PLAC9: variants seen among roughly 807,000 people sequenced by gnomAD.
The protein encoded by PLAC9 is placenta associated 9, also known as placenta-specific protein 9.
Under a neutral mutation model 11.5 loss-of-function variants are expected in PLAC9, and 12 were observed. The observed-to-expected ratio is 1.05, with a 90% CI of 0.67 to 1.69. The LOEUF is 1.69. Ranked by LOEUF, PLAC9 falls within the 40% of genes most tolerant of loss-of-function variation. PLAC9 has a pLI of 0.00. For missense variants in PLAC9, 132 were observed against 130.5 expected, an observed-to-expected ratio of 1.01 and a Z score of -0.06; for synonymous variants, 62 against 58.1, an observed-to-expected ratio of 1.07 and a Z score of -0.31.
chr10:80,133,392 T>C (rs1438340055), intron 1 of PLAC9, among the ~76,000 whole-genome samples: 1 of 152,160 alleles, frequency 6.6e-6, no homozygotes, highest in East Asian at 1.9e-4. Flanking sequence ...CCTGGCTTTA[T>C]AGGACATTGC....
chr10:80,141,553 C>A (rs991348546), intron 1 of PLAC9, among the ~76,000 whole-genome samples: 1 of 152,068 alleles, frequency 6.6e-6, no homozygotes, highest in African/African-American at 2.4e-5. Context: ...GAGCTGAGAT[C>A]GCACCATTGC....
In PLAC9 at chr10:80,144,153, T is replaced by C. The variant is rs80201133; in HGVS notation, c.163-70T>C. ...CGCACTGGACCGCCAGCTGCTCTCT[T>C]AGGACCTAGCTGATGAAGCGGAACG... On this transcript the variant is annotated intron_variant, in intron 2 of 3. Transcript: ENST00000372263. 286 of 1,608,144 alleles carry C rather than the reference T, an allele frequency of 1.8e-4. No individual in the cohort carries two copies. The East Asian group carries it at 6.3e-3, about 35-fold the overall frequency.
Position 80,142,120 on chromosome 10 carries a change from CA to C in PLAC9, c.104del (p.Gln35ArgfsTer15). The C allele has an allele frequency of 1.2e-6, 2 of 1,611,626 alleles. No individual in the cohort carries two copies. Among genetic ancestry groups the C allele is most frequent in the Non-Finnish European group, 1.7e-6 (2 of 1,178,090 alleles). The part of the protein sequence containing the change: ...PFSPPRGDSA[Q>X]STACDRHMAV... ...CAGCCCTCCGCGAGGAGACTCAGCTCAGAGCACAGCGTGTGACAGACACATG... is the reference window on the plus strand; with the variant it reads ...CAGCCCTCCGCGAGGAGACTCAGCTCGAGCACAGCGTGTGACAGACACATG... On this transcript the variant is annotated frameshift_variant, in exon 2 of 4. Coordinates refer to ENST00000372263, the MANE Select transcript of PLAC9 (RefSeq NM_001012973.3). LOFTEE classifies it high-confidence loss of function.
Position 80,145,148 on chromosome 10 carries a change from C to G in PLAC9, c.*238C>G, listed in dbSNP as rs186798136. On this transcript the variant is annotated 3_prime_UTR_variant, in exon 4 of 4. Transcript: ENST00000372263. ...CTCAGACCTGGGGACACCCCCACTC[C>G]TGTCATTTATAGGGGCAGATGGAGC... 1.5e-6 allele frequency: 1 copy of G among 658,328 alleles called. No homozygotes were observed. Among genetic ancestry groups the G allele is most frequent in the Admixed American group, 2.7e-5 (1 of 37,680 alleles). The allele number at this position is 658,328 out of a possible 1,614,324, so 40.8% of individuals were successfully genotyped here.
At chr10:80,144,719 C>T (rs1275031561) in intron 3 of PLAC9, among the ~76,000 whole-genome samples, 181 bp from the exon 4 acceptor site, 1 of 152,200 alleles carries the variant, frequency 6.6e-6, no homozygotes, top group African/African-American at 2.4e-5. Flanking sequence ...GCAGGGAAGA[C>T]GGGCGTCCCC....
In PLAC9 at chr10:80,145,079, C is replaced by A. The variant is rs913545256; in HGVS notation, c.*169C>A. 69 of 871,244 alleles carry A rather than the reference C, an allele frequency of 7.9e-5. No individual in the cohort carries two copies. The Admixed American group carries it at 1.4e-3, about 17-fold the overall frequency. 54.0% of individuals were successfully genotyped at this position (871,244 alleles called of 1,614,324 possible). ...AACCCGTTTAACTACAGCCTCCTCT[C>A]ACTCCACTTCCATGCCTGGAGGAAG... On this transcript the variant is annotated 3_prime_UTR_variant, in exon 4 of 4. Coordinates refer to ENST00000372263, the MANE Select transcript of PLAC9 (RefSeq NM_001012973.3).
chr10:80,132,439 T>A (rs1844923009), upstream of PLAC9, among the ~76,000 whole-genome samples: 1 of 152,178 alleles, frequency 6.6e-6, no homozygotes, highest in African/African-American at 2.4e-5. Flanking sequence ...TCGGTCGCCT[T>A]GAGCCCAAGA....
intron 1 of PLAC9, among the ~76,000 whole-genome samples, chr10:80,138,769 G>A (rs1845005795): frequency 6.6e-6 from 1 of 152,080 alleles, no homozygotes; most frequent in South Asian, 2.1e-4. Flanking sequence ...CTAGACAACT[G>A]CAGATGGCCC....
chr10:80,135,036 T>TTATTTATC (rs1471806127), intron 1 of PLAC9, among the ~76,000 whole-genome samples: 1 of 152,060 alleles, frequency 6.6e-6, no homozygotes, highest in Non-Finnish European at 1.5e-5. Context: ...ATTTATTTAT[T>TTATTTATC]TGAGATGGAG....
At chr10:80,138,709 A>C (rs1446098411) in intron 1 of PLAC9, among the ~76,000 whole-genome samples, 2 of 152,160 alleles carry the variant, frequency 1.3e-5, no homozygotes, top group Non-Finnish European at 1.5e-5. Context: ...AGCCTCTCAG[A>C]GTTACACATC....
chr10:80,132,389 G>A (rs1435564535), upstream of PLAC9, among the ~76,000 whole-genome samples: 1 of 152,180 alleles, frequency 6.6e-6, no homozygotes, highest in Non-Finnish European at 1.5e-5. Context: ...TAGTCTGCCC[G>A]CCTGTGAAAC....
upstream of PLAC9, among the ~76,000 whole-genome samples, chr10:80,132,189 T>A (rs780133216): frequency 6.6e-6 from 1 of 152,228 alleles, no homozygotes; most frequent in Non-Finnish European, 1.5e-5. Flanking sequence ...TTCATATTTC[T>A]ATCACTCCCT....
chr10:80,134,239 T>C (rs896132869), intron 1 of PLAC9, among the ~76,000 whole-genome samples: 12 of 151,342 alleles, frequency 7.9e-5, no homozygotes, highest in African/African-American at 2.2e-4. Flanking sequence ...ATCCAGGCAT[T>C]GTATATTTTC....
intron 2 of PLAC9, among the ~76,000 whole-genome samples, chr10:80,143,109 G>A (rs1845059720): frequency 6.6e-6 from 1 of 151,922 alleles, no homozygotes; most frequent in South Asian, 2.1e-4. Context: ...TACAATCTTG[G>A]CTCACTGCAA....
chr10:80,139,109 G>A (rs577287818), intron 1 of PLAC9, among the ~76,000 whole-genome samples: 33 of 151,914 alleles, frequency 2.2e-4, no homozygotes, highest in East Asian at 1.9e-3. Context: ...CCACCGCCAC[G>A]CCCGGCTAAT....
intron 2 of PLAC9, chr10:80,143,907 G>A (rs1460878077): frequency 1.2e-5 from 4 of 339,838 alleles, no homozygotes; most frequent in African/African-American, 4.3e-5. Flanking sequence ...ACCAGGGGGC[G>A]GAACAACAAA....
chr10:80,137,896 C>CA lies in PLAC9; in HGVS notation c.65-4185dup, dbSNP rs1316549735. Among the ~76,000 whole-genome samples the CA allele has an allele frequency of 4.0e-5, 6 of 148,358 alleles. No homozygotes were observed. The East Asian group carries it at 1.2e-3, about 29-fold the overall frequency. On this transcript the variant is annotated intron_variant, in intron 1 of 3. Transcript: ENST00000372263. ...TGCCACTGCACTTCAGCCTGGGTGA[C>CA]AGAGTGAGACCCTGTCTAAAAAAAA... is the stretch of plus-strand genomic sequence containing the variant.
At chr10:80,143,816 G>T (rs1277877945) in intron 2 of PLAC9, among the ~76,000 whole-genome samples, 1 of 152,098 alleles carries the variant, frequency 6.6e-6, no homozygotes, top group African/African-American at 2.4e-5. Flanking sequence ...CTGCCAATGG[G>T]GTCCATGGCA....
chr10:80,137,239 G>A (rs868356203), intron 1 of PLAC9, among the ~76,000 whole-genome samples: 18 of 152,188 alleles, frequency 1.2e-4, no homozygotes, highest in Non-Finnish European at 2.1e-4. Context: ...TCCCTGGAGG[G>A]GTTTTGGAGC....
Sources: gnomAD v4.1 joint callset for allele counts (sites outside exome capture counted in the v4.1 genomes callset) on GRCh38, gnomAD v4.1.1 for gene constraint, MANE v1.5 for transcripts, NCBI Gene and HGNC (gene_info 2026-07-23, HGNC 2026-07-21) for gene names.